The following LYRM4 variants were observed in gnomAD, a reference collection of about 807,000 sequenced individuals.
LYRM4 encodes the protein LYR motif containing 4.
In LYRM4, 9 loss-of-function variants were observed where a neutral mutation model predicts 11.7. That is an observed-to-expected ratio of 0.77 (90% confidence interval 0.46 to 1.34). The LOEUF (loss-of-function observed/expected upper bound fraction) is 1.34. Ranked by LOEUF, LYRM4 falls within the 40% of genes most tolerant of loss-of-function variation. The probability of loss-of-function intolerance (pLI) is 0.00; values close to 1 mark genes in which losing one functional copy is unlikely to be tolerated. For missense variants in LYRM4, 133 were observed against 112.5 expected (o/e 1.18, Z -0.82); for synonymous variants, 42 against 40.4 (o/e 1.04, Z -0.15).
At chr6:5,070,459 T>C in the LYRM4 span, among the ~76,000 whole-genome samples, 1 of 152,242 alleles carries the variant, frequency 6.6e-6, no homozygotes, top group Non-Finnish European at 1.5e-5. Context: ...TTTCCTACTT[T>C]ATCTTATGTT....
intron 1 of LYRM4, among the ~76,000 whole-genome samples, chr6:5,230,648 C>T (rs543785746): frequency 6.6e-6 from 1 of 152,144 alleles, no homozygotes; most frequent in Non-Finnish European, 1.5e-5. Flanking sequence ...TCTAGATTTT[C>T]CACTTTATGG....
At chr6:5,224,553 A>T (rs954089062) in intron 1 of LYRM4, among the ~76,000 whole-genome samples, 1 of 152,250 alleles carries the variant, frequency 6.6e-6, no homozygotes, top group African/African-American at 2.4e-5. Flanking sequence ...AAATATGCAG[A>T]TATATACAGA....
At chr6:5,062,326 AT>A in the LYRM4 span, among the ~76,000 whole-genome samples, 25 of 149,090 alleles carry the variant, frequency 1.7e-4, no homozygotes, top group Non-Finnish European at 7.4e-5. Context: ...TATAACATAT[AT>A]TAACATATAT....
chr6:5,102,871 C>T (rs1762546327), downstream of LYRM4: 1 of 152,222 alleles, frequency 6.6e-6, no homozygotes, highest in Admixed American at 6.5e-5. Context: ...GCTTTTACTG[C>T]TGTGGTGTCA....
intron 2 of LYRM4, among the ~76,000 whole-genome samples, chr6:5,205,162 A>G (rs1196771296): frequency 6.6e-6 from 1 of 152,244 alleles, no homozygotes; most frequent in Non-Finnish European, 1.5e-5. Context: ...TGATCATGCT[A>G]TTAAGCAAAG....
At chr6:5,114,331 T>A (rs1763025465) in intron 2 of LYRM4, among the ~76,000 whole-genome samples, 1 of 152,216 alleles carries the variant, frequency 6.6e-6, no homozygotes, top group Non-Finnish European at 1.5e-5. Context: ...TATTGCCAGC[T>A]TTCTTTTATG....
chr6:5,085,889 C>G, the LYRM4 span: 11 of 1,531,176 alleles, frequency 7.2e-6, no homozygotes, highest in Non-Finnish European at 9.6e-6. Flanking sequence ...GTGCAGTTCG[C>G]GGACACGCTG....
chr6:5,199,486 G>A (rs946296918), intron 2 of LYRM4, among the ~76,000 whole-genome samples: 1 of 152,156 alleles, frequency 6.6e-6, no homozygotes, highest in Non-Finnish European at 1.5e-5. Context: ...AAAAACCACT[G>A]ACTTGTATAC....
At chr6:5,082,358 C>T in the LYRM4 span, among the ~76,000 whole-genome samples, 2 of 152,170 alleles carry the variant, frequency 1.3e-5, no homozygotes, top group Non-Finnish European at 2.9e-5. Context: ...ACCAGAGAAG[C>T]TCAACCTGGT....
At chr6:5,049,290 C>A in the LYRM4 span, among the ~76,000 whole-genome samples, 1 of 152,112 alleles carries the variant, frequency 6.6e-6, no homozygotes, top group African/African-American at 2.4e-5. Context: ...TGAGGATGGG[C>A]GGATGGGCTC....
At chr6:5,073,284 C>A in the LYRM4 span, among the ~76,000 whole-genome samples, 1 of 152,060 alleles carries the variant, frequency 6.6e-6, no homozygotes, top group Non-Finnish European at 1.5e-5. Context: ...GCACAAGAAT[C>A]ATTTGAACCC....
At chr6:5,077,626 G>T in the LYRM4 span, among the ~76,000 whole-genome samples, 1 of 152,170 alleles carries the variant, frequency 6.6e-6, no homozygotes, top group Non-Finnish European at 1.5e-5. Flanking sequence ...CTTAAAAGGG[G>T]TGTAAGATCT....
At chr6:5,172,737 A>C (rs1247450879) in intron 2 of LYRM4, among the ~76,000 whole-genome samples, 1 of 152,234 alleles carries the variant, frequency 6.6e-6, no homozygotes, top group Non-Finnish European at 1.5e-5. Context: ...GTTTGCATTA[A>C]TTCTAAAGAG....
the LYRM4 span, among the ~76,000 whole-genome samples, chr6:5,053,248 T>G: frequency 6.6e-6 from 1 of 152,128 alleles, no homozygotes; most frequent in Non-Finnish European, 1.5e-5. Context: ...AATCAGGAAG[T>G]TCTTGTTCCT....
intron 2 of LYRM4, among the ~76,000 whole-genome samples, chr6:5,115,278 A>C (rs1444800741): frequency 2.0e-5 from 3 of 152,206 alleles, no homozygotes; most frequent in Admixed American, 6.5e-5. Context: ...GGATCTTGCA[A>C]AACTACTTTC....
At chr6:5,217,236 T>C (rs376358570) in intron 1 of LYRM4, among the ~76,000 whole-genome samples, 16 of 152,364 alleles carry the variant, frequency 1.1e-4, no homozygotes, top group African/African-American at 3.6e-4. Flanking sequence ...TTCCAGTCCT[T>C]GTCCCATATT....
chr6:5,077,384 G>A, the LYRM4 span, among the ~76,000 whole-genome samples: 11 of 152,318 alleles, frequency 7.2e-5, no homozygotes, highest in Middle Eastern at 3.4e-3. Flanking sequence ...AATGAAGGGC[G>A]TTCCTCCCAG....
chr6:5,237,318 C>T (rs575246130), intron 1 of LYRM4, among the ~76,000 whole-genome samples: 4 of 151,994 alleles, frequency 2.6e-5, no homozygotes, highest in South Asian at 2.1e-4. Context: ...ACTGCGCATG[C>T]GAAGGATCTA....
chr6:5,216,101 C>T (rs1208370909), intron 2 of LYRM4, among the ~76,000 whole-genome samples: 1 of 152,132 alleles, frequency 6.6e-6, no homozygotes, highest in Non-Finnish European at 1.5e-5. Flanking sequence ...AACACACCCT[C>T]CAGGTTCCTT....
Sources: allele counts gnomAD v4.1 joint callset (sites outside exome capture counted in the v4.1 genomes callset), GRCh38; gene constraint gnomAD v4.1.1; transcripts MANE v1.5; gene names NCBI Gene and HGNC (gene_info 2026-07-23, HGNC 2026-07-21).